Variants in SAMD3 observed in about 807,000 individuals in gnomAD.
The protein encoded by SAMD3 is sterile alpha motif domain-containing protein 3.
SAMD3 carries 63 observed loss-of-function variants against 58.5 expected under a neutral mutation model. The observed-to-expected ratio is 1.08, with a 90% CI of 0.88 to 1.33. SAMD3 has a LOEUF of 1.33. Among genes scored for constraint, SAMD3 ranks in the 40% most tolerant of loss-of-function variants. The probability of loss-of-function intolerance (pLI) is 0.00; values close to 1 mark genes in which losing one functional copy is unlikely to be tolerated. For synonymous variants in SAMD3, 220 were observed against 210.3 expected, an observed-to-expected ratio of 1.05 and a Z score of -0.40; for missense variants, 604 against 608.4, an observed-to-expected ratio of 0.99 and a Z score of 0.08.
intron 2 of SAMD3, among the ~76,000 whole-genome samples, chr6:130,247,082 T>G (rs143595696): frequency 6.6e-6 from 1 of 152,106 alleles, no homozygotes; most frequent in Non-Finnish European, 1.5e-5. Flanking sequence ...GAGCAAGAAG[T>G]GAATAAAATG....
rs1016106468 is a variant in SAMD3 at position 130,220,905 on chromosome 6, G to A, written c.-68+1789C>T. Among the ~76,000 whole-genome samples, 10 of 151,948 alleles carry A rather than the reference G, an allele frequency of 6.6e-5. No individual in the cohort carries two copies. In the East Asian group the frequency reaches 1.4e-3, roughly 21 times the overall value. On this transcript the variant is annotated intron_variant, in intron 1 of 11. Coordinates refer to ENST00000439090, the MANE Select transcript of SAMD3 (RefSeq NM_001017373.4). ...GTCTCGCTCTGTTGCCCAGGCTGGAGTGCAGTGGCACGATCTCGGCTCACT... is the reference window on the plus strand; with the variant it reads ...GTCTCGCTCTGTTGCCCAGGCTGGAATGCAGTGGCACGATCTCGGCTCACT...
chr6:130,277,972 CT>C (rs1774840522), intron 2 of SAMD3, among the ~76,000 whole-genome samples: 1 of 152,150 alleles, frequency 6.6e-6, no homozygotes, highest in Non-Finnish European at 1.5e-5. Flanking sequence ...CTTTGTAGGA[CT>C]AACAAAGTAG....
intron 11 of SAMD3, 145 bp from the exon 12 acceptor site, chr6:130,144,949 A>C: frequency 1.2e-6 from 1 of 862,208 alleles, no homozygotes; most frequent in Non-Finnish European, 1.7e-6. Flanking sequence ...AAAATAGACC[A>C]CCAACTTTGC....
In SAMD3 at chr6:130,145,921, C is replaced by T. The variant is rs534727712; in HGVS notation, c.1195+89G>A. On this transcript the variant is annotated intron_variant, in intron 10 of 11. Coordinates refer to ENST00000439090, the MANE Select transcript of SAMD3 (RefSeq NM_001017373.4). The stretch of plus-strand genomic sequence containing the variant: ...TTTAAAACTCAATAAATGTAAACTA[C>T]TGAATTTTACTGACTACCAAAGCAT... 2.1e-4 allele frequency: 143 copies of T among 690,844 alleles called. No individual in the cohort carries two copies. The East Asian group carries it at 3.3e-3, about 16-fold the overall frequency. The allele number at this position is 690,844 out of a possible 1,614,324, so 42.8% of individuals were successfully genotyped here. A position where few individuals can be genotyped will look rare whatever the true frequency, so the allele number is the denominator to read the frequency against.
At chr6:130,158,695 TAAAG>T (rs1790013905) in intron 8 of SAMD3, among the ~76,000 whole-genome samples, 1 of 152,036 alleles carries the variant, frequency 6.6e-6, no homozygotes, top group African/African-American at 2.4e-5. Context: ...AGCCATGAAA[TAAAG>T]AAGCAACAAA....
chr6:130,172,165 T>C (rs891350079), intron 8 of SAMD3, among the ~76,000 whole-genome samples: 3 of 152,238 alleles, frequency 2.0e-5, no homozygotes, highest in Admixed American at 6.5e-5. Flanking sequence ...CTTTATCCAA[T>C]TTGCCAGTCT....
Position 130,214,506 on chromosome 6 carries a change from C to G in SAMD3, c.100G>C (p.Ala34Pro). ...RFQEEEVSGAALLALNDRMVQ... is the reference protein window; with the variant it reads ...RFQEEEVSGAPLLALNDRMVQ... ...ATCCGATCATTAAGTGCAAGAAGAG[C>G]GGCCCCACTTACTTCTTCCTCTGGG... is the stretch of plus-strand genomic sequence containing the variant. The change falls in exon 4 of 12, where the codon GCT (alanine) becomes CCT (proline). Residue 34 changes from alanine to proline, a missense_variant. By Grantham distance (27) the Ala-to-Pro change is conservative. Transcript: ENST00000439090. The G allele has an allele frequency of 6.3e-7, 1 of 1,594,624 alleles. No homozygotes were observed. Among genetic ancestry groups the G allele is most frequent in the Non-Finnish European group, 8.5e-7 (1 of 1,171,288 alleles).
At chr6:130,298,902 T>C (rs1201746609) in intron 2 of SAMD3, among the ~76,000 whole-genome samples, 1 of 152,138 alleles carries the variant, frequency 6.6e-6, no homozygotes, top group Non-Finnish European at 1.5e-5. Flanking sequence ...TATTTAATGA[T>C]AAAGGGTTCA....
chr6:130,318,102 T>C (rs1776446690), intron 1 of SAMD3, among the ~76,000 whole-genome samples: 1 of 152,170 alleles, frequency 6.6e-6, no homozygotes, highest in South Asian at 2.1e-4. Context: ...TCTAAAGGAT[T>C]AGAGGCGAAA....
At chr6:130,348,858 C>T (rs1251237414) in intron 1 of SAMD3, among the ~76,000 whole-genome samples, 2 of 152,030 alleles carry the variant, frequency 1.3e-5, no homozygotes, top group Non-Finnish European at 2.9e-5. Flanking sequence ...TGTAAAAGAA[C>T]AGAAATTATA....
intron 2 of SAMD3, among the ~76,000 whole-genome samples, chr6:130,289,498 A>T (rs78671962): frequency 0.43 from 64,206 of 150,458 alleles, 15,162 homozygotes; most frequent in African/African-American, 0.65. Flanking sequence ...AAGAAAAAAA[A>T]ATATATATAG....
intron 1 of SAMD3, among the ~76,000 whole-genome samples, chr6:130,321,610 C>G (rs1191905923): frequency 6.6e-6 from 1 of 152,158 alleles, no homozygotes; most frequent in Non-Finnish European, 1.5e-5. Flanking sequence ...TCATTGTCCT[C>G]TTACCTTGTT....
chr6:130,311,189 C>A lies in SAMD3; in HGVS notation c.-188+1789G>T, dbSNP rs373535939. ...CTTGAATCTTTTATTATAATTGAGC[C>A]TTTTCTATTGTGAATATAGATTTTA... On this transcript the variant is annotated intron_variant, in intron 2 of 13. Transcript: ENST00000368134. 2.6e-5 allele frequency among the ~76,000 whole-genome samples: 4 copies of A among 152,248 alleles called. No homozygotes were observed. The South Asian group carries it at 8.3e-4, about 32-fold the overall frequency.
chr6:130,167,112 G>A (rs1003614515), intron 8 of SAMD3, among the ~76,000 whole-genome samples: 1 of 152,010 alleles, frequency 6.6e-6, no homozygotes, highest in Non-Finnish European at 1.5e-5. Context: ...ACTCTATAAT[G>A]GTTAAAATCA....
chr6:130,243,456 A>T (rs1262777314), intron 2 of SAMD3, among the ~76,000 whole-genome samples: 1 of 152,190 alleles, frequency 6.6e-6, no homozygotes, highest in Non-Finnish European at 1.5e-5. Context: ...ATTGGAACTG[A>T]CATCTAAAGT....
intron 1 of SAMD3, among the ~76,000 whole-genome samples, chr6:130,336,470 A>C (rs969654859): frequency 2.0e-5 from 3 of 152,238 alleles, no homozygotes; most frequent in African/African-American, 7.2e-5. Flanking sequence ...GTTGTGGAGA[A>C]TATCCTAGGT....
chr6:130,350,906 C>T (rs1252233881), intron 1 of SAMD3, among the ~76,000 whole-genome samples: 1 of 152,118 alleles, frequency 6.6e-6, no homozygotes, highest in South Asian at 2.1e-4. Context: ...GAACAGAGCC[C>T]TCAGAGATAA....
At chr6:130,314,920 T>TA (rs1198382678) in intron 1 of SAMD3, among the ~76,000 whole-genome samples, 2 of 152,242 alleles carry the variant, frequency 1.3e-5, no homozygotes, top group African/African-American at 4.8e-5. Flanking sequence ...GCTTTCTGAA[T>TA]ACCAGTACTT....
At chr6:130,155,450 T>C (rs71572904) in intron 8 of SAMD3, among the ~76,000 whole-genome samples, 5,846 of 152,334 alleles carry the variant, frequency 0.038, 159 homozygotes, top group Non-Finnish European at 0.06. Flanking sequence ...TGCAGTACCA[T>C]GCCATATAAT....
Sources: gnomAD v4.1 joint callset for allele counts (sites outside exome capture counted in the v4.1 genomes callset) on GRCh38, gnomAD v4.1.1 for gene constraint, MANE v1.5 for transcripts, NCBI Gene and HGNC (gene_info 2026-07-23, HGNC 2026-07-21) for gene names.